UBE2QL1: variants seen among roughly 807,000 people sequenced by gnomAD.
UBE2QL1 encodes ubiquitin-conjugating enzyme E2Q-like protein 1.
A neutral mutation model predicts 12.6 loss-of-function variants in UBE2QL1; 5 were observed. That is an observed-to-expected ratio of 0.40 (90% CI 0.21 to 0.83). The LOEUF is 0.83. Among genes scored for constraint, UBE2QL1 ranks in the 40% least tolerant of loss-of-function variants. The pLI, the probability that UBE2QL1 is intolerant of heterozygous loss-of-function variation, is 0.37. For missense variants in UBE2QL1, 99 were observed against 222.6 expected (o/e 0.44, Z 3.53); for synonymous variants, 96 against 94.5 (o/e 1.02, Z -0.10).
intron 1 of UBE2QL1, among the ~76,000 whole-genome samples, chr5:6,453,749 C>T (rs1417185423): frequency 6.6e-6 from 1 of 152,036 alleles, no homozygotes. Flanking sequence ...ATACATAAAG[C>T]CCATCTTCCA....
intron 1 of UBE2QL1, among the ~76,000 whole-genome samples, chr5:6,457,976 C>T (rs938546873): frequency 3.9e-5 from 6 of 152,204 alleles, no homozygotes; most frequent in African/African-American, 1.4e-4. Flanking sequence ...GGCCCAGATT[C>T]ATCATAAGCT....
chr5:6,450,510 A>G (rs1471057008), intron 1 of UBE2QL1, among the ~76,000 whole-genome samples: 2 of 152,212 alleles, frequency 1.3e-5, no homozygotes, highest in African/African-American at 2.4e-5. Context: ...TTTTAGATTT[A>G]TGAAAAAATC....
chr5:6,454,342 C>A (rs1739473394), intron 1 of UBE2QL1, among the ~76,000 whole-genome samples: 1 of 152,182 alleles, frequency 6.6e-6, no homozygotes, highest in African/African-American at 2.4e-5. Context: ...CCTCACATGA[C>A]CTTCCTTCTG....
intron 1 of UBE2QL1, among the ~76,000 whole-genome samples, chr5:6,455,212 G>A (rs1013119759): frequency 6.6e-6 from 1 of 152,140 alleles, no homozygotes; most frequent in Non-Finnish European, 1.5e-5. Flanking sequence ...GTGCCCATGT[G>A]GACACTAAGC....
rs1739363318 is a variant in UBE2QL1, at chr5:6,449,259, G to T, written c.354+12G>T. The stretch of plus-strand genomic sequence containing the variant: ...TGGTCAAGGGCCAGGTAAGGCGAGC[G>T]CGCCGGGGCTGGGGGCGCGGGGCCG... On this transcript the variant is annotated intron_variant, in intron 1 of 1. Coordinates refer to ENST00000399816, the MANE Select transcript of UBE2QL1 (RefSeq NM_001145161.3). 8.0e-6 allele frequency: 11 copies of T among 1,372,834 alleles called. No individual in the cohort carries two copies. In the East Asian group the frequency reaches 3.1e-4, roughly 38 times the overall value. 85.0% of individuals were successfully genotyped at this position (1,372,834 alleles called of 1,614,324 possible).
chr5:6,494,878 T>G lies in UBE2QL1; in HGVS notation c.*3529T>G, dbSNP rs1340370593. The G allele has an allele frequency of 6.6e-6, 1 of 152,218 alleles. No individual in the cohort carries two copies. The highest frequency in any genetic ancestry group is 1.5e-5 in the Non-Finnish European group (1 of 68,056). 9.4% of individuals were successfully genotyped at this position (152,218 alleles called of 1,614,324 possible). ...CTTAAATGCAGGGCATGCAGAAGAT[T>G]AAGGTACAGCCCCTTCCCTGGATAG... On this transcript the variant is annotated 3_prime_UTR_variant, in exon 2 of 2. Transcript: ENST00000399816.
intron 1 of UBE2QL1, among the ~76,000 whole-genome samples, chr5:6,485,266 GC>G (rs1158544349): frequency 6.6e-6 from 1 of 152,170 alleles, no homozygotes; most frequent in Non-Finnish European, 1.5e-5. Context: ...GAAGTCCCCT[GC>G]TTGTCAGTGG....
At chr5:6,460,650 AT>A (rs1739632559) in intron 1 of UBE2QL1, among the ~76,000 whole-genome samples, 1 of 152,230 alleles carries the variant, frequency 6.6e-6, no homozygotes, top group South Asian at 2.1e-4. Context: ...ACAGATTGAT[AT>A]CTGGGTTTTT....
chr5:6,483,642 G>T (rs143600696), intron 1 of UBE2QL1, among the ~76,000 whole-genome samples: 1 of 152,174 alleles, frequency 6.6e-6, no homozygotes, highest in South Asian at 2.1e-4. Context: ...AAACATTCTC[G>T]CTAGAGAGAG....
chr5:6,484,337 G>C (rs57601119), intron 1 of UBE2QL1, among the ~76,000 whole-genome samples: 25,853 of 152,140 alleles, frequency 0.17, 4,764 homozygotes, highest in African/African-American at 0.45. Context: ...CTTTCCCTGA[G>C]GATTCTGGGC....
chr5:6,450,089 C>CA (rs70965998), intron 1 of UBE2QL1, among the ~76,000 whole-genome samples: 23,962 of 126,684 alleles, frequency 0.19, 2,864 homozygotes, highest in Non-Finnish European at 0.28. Context: ...AGACCAGACC[C>CA]CCCCCCCCCA....
Position 6,488,700 on chromosome 5 carries a change from T to C in UBE2QL1, c.355-2518T>C, listed in dbSNP as rs186537575. On this transcript the variant is annotated intron_variant, in intron 1 of 1. Transcript: ENST00000399816. ...CTGTAGCACCAACTACCTGGGAGGC[T>C]GAGGCAGGAGGATCTCTTGAGCCCA... Among the ~76,000 whole-genome samples, 25 of 151,930 alleles carry C rather than the reference T, an allele frequency of 1.6e-4. No individual in the cohort carries two copies. In the East Asian group the frequency reaches 4.7e-3, roughly 28 times the overall value.
At chr5:6,452,806 C>T (rs1739435331) in intron 1 of UBE2QL1, among the ~76,000 whole-genome samples, 1 of 152,146 alleles carries the variant, frequency 6.6e-6, no homozygotes, top group South Asian at 2.1e-4. Flanking sequence ...AGGCTTGGAG[C>T]GTGGGACGAT....
chr5:6,460,794 GTGCTCCC>G lies in UBE2QL1; in HGVS notation c.354+11549_354+11555del, dbSNP rs539294123. Among the ~76,000 whole-genome samples, 11 of 152,234 alleles carry G rather than the reference GTGCTCCC, an allele frequency of 7.2e-5. No homozygotes were observed. In the East Asian group the frequency reaches 2.1e-3, roughly 29 times the overall value. Reference sequence around the variant, plus strand: ...ATTCTTATTTAAAACATTTACCTCTGTGCTCCCTAAATGCACATCAAAAGTCCTTGTT... The same window carrying G: ...ATTCTTATTTAAAACATTTACCTCTGTAAATGCACATCAAAAGTCCTTGTT... On this transcript the variant is annotated intron_variant, in intron 1 of 1. Coordinates refer to ENST00000399816, the MANE Select transcript of UBE2QL1 (RefSeq NM_001145161.3).
At chr5:6,463,647 A>G (rs1310329886) in intron 1 of UBE2QL1, among the ~76,000 whole-genome samples, 1 of 105,264 alleles carries the variant, frequency 9.5e-6, no homozygotes, top group East Asian at 2.4e-4. Flanking sequence ...ATTATTTTTG[A>G]TGCGGAGTCT....
chr5:6,458,984 G>C (rs1739592701), intron 1 of UBE2QL1, among the ~76,000 whole-genome samples: 1 of 148,658 alleles, frequency 6.7e-6, no homozygotes, highest in Non-Finnish European at 1.5e-5. Flanking sequence ...TCCTCCTCCA[G>C]GTTGGGTGGG....
chr5:6,477,676 G>A (rs939427822), intron 1 of UBE2QL1, among the ~76,000 whole-genome samples: 6 of 152,228 alleles, frequency 3.9e-5, no homozygotes, highest in African/African-American at 7.2e-5. Context: ...AGCAGGACGC[G>A]GGTGTGTGGA....
At chr5:6,455,708 C>T (rs1049780094) in intron 1 of UBE2QL1, among the ~76,000 whole-genome samples, 1 of 152,122 alleles carries the variant, frequency 6.6e-6, no homozygotes, top group African/African-American at 2.4e-5. Context: ...AGCTGCCTGA[C>T]GCTGGCCATG....
chr5:6,453,028 C>T (rs1284323198), intron 1 of UBE2QL1, among the ~76,000 whole-genome samples: 1 of 152,184 alleles, frequency 6.6e-6, no homozygotes, highest in African/African-American at 2.4e-5. Context: ...CCCCTCAGAG[C>T]CAACCATACA....
Sources: allele counts gnomAD v4.1 joint callset (sites outside exome capture counted in the v4.1 genomes callset), GRCh38; gene constraint gnomAD v4.1.1; transcripts MANE v1.5; gene names NCBI Gene and HGNC (gene_info 2026-07-23, HGNC 2026-07-21).